The following CSMD1 variants were observed in gnomAD, a reference collection of about 807,000 sequenced individuals.
The protein encoded by CSMD1 is CUB and sushi domain-containing protein 1.
A neutral mutation model predicts 417.5 loss-of-function variants in CSMD1; 213 were observed. The ratio of observed to expected loss-of-function variants is 0.51; its 90% CI spans 0.46 to 0.57. The LOEUF is 0.57. Among genes scored for constraint, CSMD1 ranks in the 20% least tolerant of loss-of-function variants. The pLI is 0.00. For missense variants in CSMD1, 6,923 were observed against 4,529.7 expected, an observed-to-expected ratio of 1.53 and a Z score of -15.17; for synonymous variants, 2,862 against 1,736.8, an observed-to-expected ratio of 1.65 and a Z score of -16.11.
At chr8:3,494,760 A>G (rs1334088827) in intron 10 of CSMD1, among the ~76,000 whole-genome samples, 1 of 152,198 alleles carries the variant, frequency 6.6e-6, no homozygotes, top group East Asian at 1.9e-4. Context: ...CGGAAGAGAG[A>G]AGGGACAGGA....
chr8:3,976,694 C>A (rs1329094229), intron 5 of CSMD1, among the ~76,000 whole-genome samples: 1 of 152,180 alleles, frequency 6.6e-6, no homozygotes, highest in Non-Finnish European at 1.5e-5. Context: ...AGATATTTTA[C>A]TTATGAACCC....
chr8:3,355,784 C>A (rs10099071), intron 21 of CSMD1, among the ~76,000 whole-genome samples: 12,546 of 152,192 alleles, frequency 0.082, 677 homozygotes, highest in Non-Finnish European at 0.12. Context: ...TACCAATAAA[C>A]TTTCATTTTG....
intron 10 of CSMD1, among the ~76,000 whole-genome samples, chr8:3,552,486 C>G (rs748765171): frequency 4.6e-5 from 7 of 152,084 alleles, no homozygotes; most frequent in Non-Finnish European, 1.0e-4. Context: ...TGATAACTGC[C>G]TTTCTATCTC....
intron 8 of CSMD1, among the ~76,000 whole-genome samples, chr8:3,606,392 C>T (rs1156834785): frequency 6.6e-6 from 1 of 152,118 alleles, no homozygotes; most frequent in East Asian, 1.9e-4. Flanking sequence ...GTACTGAGTA[C>T]TGTAGGCAAT....
chr8:4,525,468 A>C (rs967914404), intron 2 of CSMD1, among the ~76,000 whole-genome samples: 3 of 152,194 alleles, frequency 2.0e-5, no homozygotes, highest in African/African-American at 7.2e-5. Flanking sequence ...AATTATGCAG[A>C]TAACACATTG....
chr8:3,641,845 G>A (rs566927166), intron 7 of CSMD1, among the ~76,000 whole-genome samples: 12 of 152,234 alleles, frequency 7.9e-5, no homozygotes, highest in East Asian at 1.9e-4. Context: ...CTACCATAAC[G>A]TCCTATTATT....
In CSMD1 at chr8:4,813,884, A is replaced by G. The variant is rs571052070; in HGVS notation, c.86-176326T>C. 1.2e-4 allele frequency among the ~76,000 whole-genome samples: 19 copies of G among 152,338 alleles called. No individual in the cohort carries two copies. In the South Asian group the frequency reaches 3.3e-3, roughly 27 times the overall value. On this transcript the variant is annotated intron_variant, in intron 1 of 69. Coordinates refer to ENST00000635120, the MANE Select transcript of CSMD1 (RefSeq NM_033225.6). ...GGTTTTGTGTGTTTTCCATTAGAGA[A>G]TATTTACAAGTAGGTCAATCTACTC...
Position 3,586,242 on chromosome 8 carries a change from C to A in CSMD1, c.1116G>T (p.Gln372His), listed in dbSNP as rs1256876819. Residue 372 changes from glutamine (Q) to histidine (H), a missense_variant, in exon 9 of 70, where the codon CAG (glutamine) becomes CAT (histidine). Coordinates refer to ENST00000635120, the MANE Select transcript of CSMD1 (RefSeq NM_033225.6). ...GCACGTAATTGTCCTCACATGAAAA[C>A]TGTACATTTGCACCAACCCTAAGCC... Reference protein sequence around the residue: ...GSDFRVGANVQFSCEDNYVLQ... With the variant: ...GSDFRVGANVHFSCEDNYVLQ... 1 of 1,608,932 alleles carries A rather than the reference C, an allele frequency of 6.2e-7. No homozygotes were observed. The highest frequency in any genetic ancestry group is 8.5e-7 in the Non-Finnish European group (1 of 1,178,580).
intron 3 of CSMD1, among the ~76,000 whole-genome samples, chr8:4,234,323 T>C (rs1801919404): frequency 6.6e-6 from 1 of 152,060 alleles, no homozygotes; most frequent in African/African-American, 2.4e-5. Context: ...CAGACACAAG[T>C]TTAGAAATGG....
At chr8:3,721,818 G>T (rs1802191313) in intron 6 of CSMD1, among the ~76,000 whole-genome samples, 1 of 152,078 alleles carries the variant, frequency 6.6e-6, no homozygotes, top group Non-Finnish European at 1.5e-5. Context: ...CATTTTTTGA[G>T]AAATTAATTA....
intron 5 of CSMD1, among the ~76,000 whole-genome samples, chr8:3,828,353 G>C (rs922024570): frequency 6.6e-6 from 1 of 152,140 alleles, no homozygotes; most frequent in African/African-American, 2.4e-5. Context: ...TTAAGAATCT[G>C]TTAGGATTTT....
chr8:3,888,819 G>C (rs566979568), intron 5 of CSMD1, among the ~76,000 whole-genome samples: 6 of 152,142 alleles, frequency 3.9e-5, no homozygotes, highest in Non-Finnish European at 7.4e-5. Flanking sequence ...GCTAAGAAAG[G>C]TACTATTCTA....
At position 4,358,063 on chromosome 8, in the gene CSMD1, C is replaced by G. The variant is rs140579374; in HGVS notation, c.415+61890G>C. Reference sequence around the variant, plus strand: ...TAGCTGCTGCTGATTTACATGTATACTTACGTATATATGTATATATGTATA... The same window carrying G: ...TAGCTGCTGCTGATTTACATGTATAGTTACGTATATATGTATATATGTATA... On this transcript the variant is annotated intron_variant, in intron 3 of 69. Coordinates refer to ENST00000635120, the MANE Select transcript of CSMD1 (RefSeq NM_033225.6). 9.9e-5 allele frequency among the ~76,000 whole-genome samples: 15 copies of G among 152,236 alleles called. No homozygotes were observed. In the East Asian group the frequency reaches 2.9e-3, roughly 29 times the overall value.
chr8:3,227,245 A>C lies in CSMD1; in HGVS notation c.4345+2795T>G, dbSNP rs569638553. 1.2e-4 allele frequency among the ~76,000 whole-genome samples: 18 copies of C among 152,026 alleles called. No individual in the cohort carries two copies. The South Asian group carries it at 3.3e-3, about 28-fold the overall frequency. ...GAAAACCCATCTCTACTAAAAATAC[A>C]AAAAAATTAGCCGGGCTTGGTGGTG... On this transcript the variant is annotated intron_variant, in intron 27 of 69. Coordinates refer to ENST00000635120, the MANE Select transcript of CSMD1 (RefSeq NM_033225.6).
chr8:4,367,375 A>G (rs576162735), intron 3 of CSMD1, among the ~76,000 whole-genome samples: 188 of 152,082 alleles, frequency 1.2e-3, no homozygotes, highest in Non-Finnish European at 2.4e-3. Flanking sequence ...TTGTAGGTGT[A>G]TGGCTTTATT....
At position 4,837,556 on chromosome 8, in the gene CSMD1, C is replaced by A. The variant is rs577930023; in HGVS notation, c.85+156776G>T. 6.3e-4 allele frequency among the ~76,000 whole-genome samples: 95 copies of A among 151,888 alleles called. 1 individual carries two copies. The highest frequency in any genetic ancestry group is 2.2e-3 in the African/African-American group (93 of 41,414). On this transcript the variant is annotated intron_variant, in intron 1 of 69. Transcript: ENST00000635120. ...GTTCTTATCTGTGGAATCTAAAAAT[C>A]AAAACAATTAAGCTCATGAACATAG...
chr8:3,564,517 T>TTG (rs34665230), intron 10 of CSMD1, among the ~76,000 whole-genome samples: 5,523 of 145,414 alleles, frequency 0.038, 213 homozygotes, highest in African/African-American at 0.093. Context: ...CACAGTATAT[T>TTG]TGTGTGTGTG....
At chr8:3,045,060 TACCAAGG>T (rs1811343938) in intron 50 of CSMD1, among the ~76,000 whole-genome samples, 1 of 152,168 alleles carries the variant, frequency 6.6e-6, no homozygotes, top group South Asian at 2.1e-4. Flanking sequence ...AGCCCTTGAA[TACCAAGG>T]AATTTTAACA....
chr8:4,725,518 T>C (rs34745545), intron 1 of CSMD1, among the ~76,000 whole-genome samples: 8,709 of 152,228 alleles, frequency 0.057, 359 homozygotes, highest in Non-Finnish European at 0.079. Flanking sequence ...CGCACAGAGA[T>C]TTCCATTTTG....
Sources: allele counts gnomAD v4.1 joint callset (sites outside exome capture counted in the v4.1 genomes callset), GRCh38; gene constraint gnomAD v4.1.1; transcripts MANE v1.5; gene names NCBI Gene and HGNC (gene_info 2026-07-23, HGNC 2026-07-21).